SLC2A14: variants seen among roughly 807,000 people sequenced by gnomAD.
SLC2A14 encodes solute carrier family 2, facilitated glucose transporter member 14.
Under a neutral mutation model 43.0 loss-of-function variants are expected in SLC2A14, and 13 were observed. The ratio of observed to expected loss-of-function variants is 0.30; its 90% CI spans 0.20 to 0.48. The LOEUF is 0.48. Among genes scored for constraint, SLC2A14 ranks in the 20% least tolerant of loss-of-function variants. The pLI is 0.99. For synonymous variants in SLC2A14, 190 were observed against 233.8 expected (o/e 0.81, Z 1.71); for missense variants, 428 against 620.4 (o/e 0.69, Z 3.29).
At chr12:7,823,694 T>C (rs889023746) in intron 7 of SLC2A14, among the ~76,000 whole-genome samples, 1 of 150,590 alleles carries the variant, frequency 6.6e-6, no homozygotes, top group African/African-American at 2.5e-5. Context: ...CACCCCAGCC[T>C]GGGCAATAAG....
intron 1 of SLC2A14, among the ~76,000 whole-genome samples, chr12:7,878,793 A>C (rs1184132532): frequency 6.6e-6 from 1 of 151,480 alleles, no homozygotes; most frequent in African/African-American, 2.4e-5. Context: ...CCTGGCCAAC[A>C]TGGTGAAACC....
intron 1 of SLC2A14, among the ~76,000 whole-genome samples, chr12:7,890,362 A>G (rs963165358): frequency 6.6e-6 from 1 of 151,952 alleles, no homozygotes; most frequent in African/African-American, 2.4e-5. Context: ...AATTTTCTGC[A>G]ATTCCCTTCT....
chr12:7,889,285 G>T (rs1945738418), intron 1 of SLC2A14, among the ~76,000 whole-genome samples: 1 of 149,646 alleles, frequency 6.7e-6, no homozygotes, highest in South Asian at 2.1e-4. Flanking sequence ...CTAGGCTGGG[G>T]TGCAATGGTG....
At position 7,821,825 on chromosome 12, in the gene SLC2A14, C is replaced by CTTTT. The variant is rs71038774; in HGVS notation, c.865-504_865-501dup. On this transcript the variant is annotated intron_variant, in intron 7 of 10. Transcript: ENST00000431042. ...GCCCAGCTAATTTTTGTATTTCTTTCTTTTTTTTTTTTTTTTTGAGATGGA... is the reference window on the plus strand; with the variant it reads ...GCCCAGCTAATTTTTGTATTTCTTTCTTTTTTTTTTTTTTTTTTTTTGAGATGGA... 1.7e-4 allele frequency among the ~76,000 whole-genome samples: 21 copies of CTTTT among 127,248 alleles called. 1 individual carries two copies. The highest frequency in any genetic ancestry group is 2.1e-4 in the African/African-American group (7 of 33,196). 83.5% of individuals were successfully genotyped at this position (127,248 alleles called of 152,430 possible).
At chr12:7,829,639 A>G (rs946592697) in intron 5 of SLC2A14, 127 bp downstream of exon 5, 2 of 1,320,822 alleles carry the variant, frequency 1.5e-6, no homozygotes, top group South Asian at 1.5e-5. Flanking sequence ...TTCAGCTACT[A>G]TCTATTATCT....
chr12:7,837,186 C>T (rs1280441186), intron 2 of SLC2A14, among the ~76,000 whole-genome samples: 1 of 151,198 alleles, frequency 6.6e-6, no homozygotes, highest in African/African-American at 2.4e-5. Flanking sequence ...AAAAAGTTAA[C>T]GTGTTAACTA....
chr12:7,859,714 A>G (rs1299414110), intron 2 of SLC2A14, among the ~76,000 whole-genome samples: 1 of 152,166 alleles, frequency 6.6e-6, no homozygotes. Flanking sequence ...TCAGTAGATT[A>G]TTACAATATC....
intron 7 of SLC2A14, among the ~76,000 whole-genome samples, chr12:7,824,854 C>A (rs767213799): frequency 6.6e-6 from 1 of 151,906 alleles, no homozygotes; most frequent in East Asian, 2.0e-4. Context: ...TCCACCACGC[C>A]CGGCTAATTT....
upstream of SLC2A14, among the ~76,000 whole-genome samples, chr12:7,874,697 AATATATATAAAT>A (rs1437200402): frequency 2.1e-5 from 3 of 142,460 alleles, no homozygotes; most frequent in Admixed American, 7.4e-5. Context: ...TATATATATA[AATATATATAAAT>A]ATGTATATAA....
chr12:7,867,428 G>C (rs1944987586), intron 2 of SLC2A14, among the ~76,000 whole-genome samples: 1 of 152,116 alleles, frequency 6.6e-6, no homozygotes. Context: ...GGAAGTAACT[G>C]TAGATGTGGT....
chr12:7,891,126 A>T (rs1319274737), exon 1 of SLC2A14: 1 of 1,533,148 alleles, frequency 6.5e-7, no homozygotes, highest in Non-Finnish European at 8.7e-7. Context: ...GAGTCTTTGC[A>T]TTGTGAACAA....
intron 2 of SLC2A14, among the ~76,000 whole-genome samples, chr12:7,854,814 TA>T (rs2120951316): frequency 6.6e-6 from 1 of 151,440 alleles, no homozygotes; most frequent in South Asian, 2.1e-4. Context: ...TTTATTATTT[TA>T]TTTTTTATTT....
chr12:7,854,581 G>A (rs1164225277), intron 2 of SLC2A14, among the ~76,000 whole-genome samples: 1 of 152,018 alleles, frequency 6.6e-6, no homozygotes, highest in Non-Finnish European at 1.5e-5. Context: ...AATGGAGTGC[G>A]ATCTCGGCTC....
chr12:7,846,153 T>TC (rs1565542076), intron 2 of SLC2A14, among the ~76,000 whole-genome samples: 1 of 151,524 alleles, frequency 6.6e-6, no homozygotes, highest in Non-Finnish European at 1.5e-5. Context: ...GCCCCTCCTA[T>TC]CCCCCCAGAC....
rs766133369 is a variant in SLC2A14 at position 7,860,978 on chromosome 12, G to A, written c.18+8885C>T. ...CAGCTAATTTTTTATTTTTAGTAGA[G>A]ACGGGGTTTCTCCATGTTGGTCGGG... On this transcript the variant is annotated intron_variant, in intron 2 of 10. Coordinates refer to ENST00000431042, the MANE Select transcript of SLC2A14 (RefSeq NM_001286234.2). Among the ~76,000 whole-genome samples the A allele has an allele frequency of 6.6e-5, 10 of 152,124 alleles. No individual in the cohort carries two copies. In the South Asian group the frequency reaches 2.1e-3, roughly 32 times the overall value.
chr12:7,814,564 G>C (rs750066193), intron 10 of SLC2A14, 30 bp from the exon 11 acceptor site: 1 of 1,595,910 alleles, frequency 6.3e-7, no homozygotes. Context: ...AAGGAAGGTT[G>C]ATATAAAAAT....
At chr12:7,871,336 C>G (rs777734015) in intron 1 of SLC2A14, 1 of 924,372 alleles carries the variant, frequency 1.1e-6, no homozygotes, top group East Asian at 6.7e-5. Context: ...TGGAGTTCAC[C>G]TGCATCCTCA....
chr12:7,852,345 A>ATTT (rs1867006174), intron 2 of SLC2A14, among the ~76,000 whole-genome samples: 1 of 152,160 alleles, frequency 6.6e-6, no homozygotes, highest in Non-Finnish European at 1.5e-5. Flanking sequence ...TGACAGAAAA[A>ATTT]TGTAAACTTT....
In SLC2A14 at chr12:7,821,239, A is replaced by G; in HGVS notation, c.951T>C (p.Thr317=). The change falls in exon 8 of 11, where the codon ACT becomes ACC. Residue 317 remains threonine, a synonymous_variant. Coordinates refer to ENST00000431042, the MANE Select transcript of SLC2A14 (RefSeq NM_001286234.2). ...YATISAGVVN[T]IFTLLSLFLV... is the part of the protein sequence containing the mutation. ...AACTTACAGAAAGTAAAGTGAAGAT[A>G]GTATTAACCACACCCGCGCTGATGG... 6.2e-7 allele frequency: 1 copy of G among 1,613,480 alleles called. No homozygotes were observed. The highest frequency in any genetic ancestry group is 8.5e-7 in the Non-Finnish European group (1 of 1,179,572).
Sources: gnomAD v4.1 joint callset for allele counts (sites outside exome capture counted in the v4.1 genomes callset) on GRCh38, gnomAD v4.1.1 for gene constraint, MANE v1.5 for transcripts, NCBI Gene and HGNC (gene_info 2026-07-23, HGNC 2026-07-21) for gene names.